The following ZDHHC21 variants were observed in gnomAD, a reference collection of about 807,000 sequenced individuals.
The protein encoded by ZDHHC21 is zDHHC palmitoyltransferase 21.
A neutral mutation model predicts 34.6 loss-of-function variants in ZDHHC21; 15 were observed. The ratio of observed to expected loss-of-function variants is 0.43; its 90% CI spans 0.29 to 0.67. The LOEUF (loss-of-function observed/expected upper bound fraction) is 0.67, where lower values mean the gene tolerates loss of function less well. ZDHHC21 is among the 30% of genes least tolerant of loss of function. The probability of loss-of-function intolerance (pLI) is 0.14; values close to 1 mark genes in which losing one functional copy is unlikely to be tolerated. For missense variants in ZDHHC21, 344 were observed against 327.7 expected (o/e 1.05, Z -0.38); for synonymous variants, 142 against 101.8 (o/e 1.40, Z -2.38).
In ZDHHC21 at chr9:14,618,169, T is replaced by C. The variant is rs1198595371; in HGVS notation, c.*797A>G. On this transcript the variant is annotated 3_prime_UTR_variant, in exon 10 of 10. Coordinates refer to ENST00000380916, the MANE Select transcript of ZDHHC21 (RefSeq NM_178566.6). ...TCTCTCCCCTTTTTGCTCATTAAAA[T>C]CTTAGGATAAAATAGGAATACATGC... is the stretch of plus-strand genomic sequence containing the variant. The C allele has an allele frequency of 6.6e-6, 1 of 152,514 alleles. No homozygotes were observed. The highest frequency in any genetic ancestry group is 1.5e-5 in the Non-Finnish European group (1 of 67,992). 9.4% of individuals were successfully genotyped at this position (152,514 alleles called of 1,614,324 possible). A position where few individuals can be genotyped will look rare whatever the true frequency, so the allele number is the denominator to read the frequency against.
intron 1 of ZDHHC21, among the ~76,000 whole-genome samples, chr9:14,691,265 C>T (rs369627490): frequency 6.6e-6 from 1 of 152,138 alleles, no homozygotes; most frequent in Non-Finnish European, 1.5e-5. Context: ...CTTCTCACTC[C>T]TCTCCTCTCA....
At chr9:14,647,890 A>C (rs1830541212) in intron 7 of ZDHHC21, among the ~76,000 whole-genome samples, 1 of 152,136 alleles carries the variant, frequency 6.6e-6, no homozygotes, top group Non-Finnish European at 1.5e-5. Context: ...CTTTATGCTG[A>C]AAGCTCCCAA....
Position 14,614,208 on chromosome 9 carries a change from T to A in ZDHHC21, c.*4758A>T, listed in dbSNP as rs2133378976. ...TAGTAAGTTTGTGGATACTCACTAC[T>A]CATTTGTACCTATTCTCTAGGGTGG... On this transcript the variant is annotated 3_prime_UTR_variant, in exon 10 of 10. Coordinates refer to ENST00000380916, the MANE Select transcript of ZDHHC21 (RefSeq NM_178566.6). 2 of 151,902 alleles carry A rather than the reference T, an allele frequency of 1.3e-5. No individual in the cohort carries two copies. The highest frequency in any genetic ancestry group is 4.1e-4 in the South Asian group (2 of 4,820). 9.4% of individuals were successfully genotyped at this position (151,902 alleles called of 1,614,324 possible). A position where few individuals can be genotyped will look rare whatever the true frequency, so the allele number is the denominator to read the frequency against.
At chr9:14,676,062 T>C (rs1034217797) in intron 3 of ZDHHC21, among the ~76,000 whole-genome samples, 5 of 151,880 alleles carry the variant, frequency 3.3e-5, no homozygotes, top group Admixed American at 2.6e-4. Context: ...TCTTCGGCAA[T>C]GGAAAGCTAT....
chr9:14,643,766 C>A (rs1290634091), intron 7 of ZDHHC21, among the ~76,000 whole-genome samples: 1 of 152,152 alleles, frequency 6.6e-6, no homozygotes, highest in Non-Finnish European at 1.5e-5. Context: ...TTCAACTGTT[C>A]CGGAATGACT....
intron 5 of ZDHHC21, 145 bp from the exon 6 acceptor site, chr9:14,662,471 T>A: frequency 1.7e-6 from 1 of 580,164 alleles, no homozygotes; most frequent in Non-Finnish European, 3.0e-6. Context: ...ATAAATGTGT[T>A]TGCCATAAAT....
chr9:14,656,460 A>T (rs1832229987), intron 7 of ZDHHC21, among the ~76,000 whole-genome samples: 1 of 151,964 alleles, frequency 6.6e-6, no homozygotes, highest in Non-Finnish European at 1.5e-5. Flanking sequence ...TAACATATAA[A>T]CAAAACTAAA....
intron 8 of ZDHHC21, among the ~76,000 whole-genome samples, chr9:14,629,120 CTTTCT>C (rs1826852980): frequency 6.6e-6 from 1 of 152,254 alleles, no homozygotes; most frequent in African/African-American, 2.4e-5. Flanking sequence ...CTTGCTTTCT[CTTTCT>C]TAACAATTCT....
intron 8 of ZDHHC21, among the ~76,000 whole-genome samples, chr9:14,628,534 G>A (rs565159840): frequency 7.2e-5 from 11 of 152,172 alleles, no homozygotes; most frequent in East Asian, 1.9e-4. Flanking sequence ...AATGATATCC[G>A]TATCAGTAGT....
chr9:14,601,219 C>T, the ZDHHC21 span, among the ~76,000 whole-genome samples: 13 of 152,152 alleles, frequency 8.5e-5, no homozygotes, highest in African/African-American at 3.1e-4. Flanking sequence ...AGGCAACCTA[C>T]AGAATGGGAG....
Position 14,611,378 on chromosome 9 carries a change from C to T in ZDHHC21, c.*7588G>A, listed in dbSNP as rs1205018285. On this transcript the variant is annotated 3_prime_UTR_variant, in exon 10 of 10. Coordinates refer to ENST00000380916, the MANE Select transcript of ZDHHC21 (RefSeq NM_178566.6). ...ACTCACTCTTCTCAAACTATTCTTACATCTCTCAACTACTATTTTCCTAAT... is the reference window on the plus strand; with the variant it reads ...ACTCACTCTTCTCAAACTATTCTTATATCTCTCAACTACTATTTTCCTAAT... 3 of 151,932 alleles carry T rather than the reference C, an allele frequency of 2.0e-5. No individual in the cohort carries two copies. Among genetic ancestry groups the T allele is most frequent in the African/African-American group, 7.2e-5 (3 of 41,402 alleles). 9.4% of individuals were successfully genotyped at this position (151,932 alleles called of 1,614,324 possible).
rs1436939045 is a variant in ZDHHC21 at position 14,643,351 on chromosome 9, T to C, written c.505-3339A>G. ...GAGCCTCCTGTGTATTCCTTCCCCA[T>C]TGCTGGCTCTCCCTCACCCCTACCC... On this transcript the variant is annotated intron_variant, in intron 7 of 9. Transcript: ENST00000380916. Among the ~76,000 whole-genome samples, 7 of 152,282 alleles carry C rather than the reference T, an allele frequency of 4.6e-5. No homozygotes were observed. The East Asian group carries it at 1.3e-3, about 29-fold the overall frequency.
At chr9:14,619,776 A>G in intron 8 of ZDHHC21, 94 bp from the exon 9 acceptor site, 1 of 726,820 alleles carries the variant, frequency 1.4e-6, no homozygotes, top group Non-Finnish European at 2.0e-6. Context: ...TATTCCAAAA[A>G]TATTCTATAG....
intron 8 of ZDHHC21, among the ~76,000 whole-genome samples, chr9:14,636,185 G>A (rs189225646): frequency 6.6e-6 from 1 of 152,160 alleles, no homozygotes; most frequent in Admixed American, 6.5e-5. Context: ...CATCTCACCT[G>A]TAAAGACACA....
chr9:14,690,603 C>T (rs75194171), intron 1 of ZDHHC21, among the ~76,000 whole-genome samples: 1,970 of 152,180 alleles, frequency 0.013, 50 homozygotes, highest in African/African-American at 0.045. Flanking sequence ...GAGGAAAAAG[C>T]AGCTTGAAAG....
At chr9:14,635,104 AG>A (rs1375929968) in intron 8 of ZDHHC21, among the ~76,000 whole-genome samples, 1 of 152,198 alleles carries the variant, frequency 6.6e-6, no homozygotes, top group African/African-American at 2.4e-5. Context: ...ACTTGAAGAC[AG>A]GTATTTTTAA....
chr9:14,609,838 A>C (rs1412298815), downstream of ZDHHC21, among the ~76,000 whole-genome samples: 2 of 152,044 alleles, frequency 1.3e-5, no homozygotes, highest in Non-Finnish European at 2.9e-5. Flanking sequence ...CCAGAGGAAA[A>C]TATCCAGTTA....
rs574396781 is a variant in ZDHHC21, at chr9:14,612,451, G to T, written c.*6515C>A. On this transcript the variant is annotated 3_prime_UTR_variant, in exon 10 of 10. Coordinates refer to ENST00000380916, the MANE Select transcript of ZDHHC21 (RefSeq NM_178566.6). ...TGGAACCCAAATAATATACATAGCAGCATTACATTTGGACAATTACATTTC... is the reference window on the plus strand; with the variant it reads ...TGGAACCCAAATAATATACATAGCATCATTACATTTGGACAATTACATTTC... 80 of 151,988 alleles carry T rather than the reference G, an allele frequency of 5.3e-4. No individual in the cohort carries two copies. The highest frequency in any genetic ancestry group is 1.9e-3 in the African/African-American group (78 of 41,492). 9.4% of individuals were successfully genotyped at this position (151,988 alleles called of 1,614,324 possible). A position where few individuals can be genotyped will look rare whatever the true frequency, so the allele number is the denominator to read the frequency against.
intron 8 of ZDHHC21, among the ~76,000 whole-genome samples, chr9:14,621,891 TAAAA>T (rs967451449): frequency 6.6e-6 from 1 of 152,036 alleles, no homozygotes; most frequent in Non-Finnish European, 1.5e-5. Context: ...AAAAAACCAC[TAAAA>T]AATATTTTGG....
Sources: allele counts gnomAD v4.1 joint callset (sites outside exome capture counted in the v4.1 genomes callset), GRCh38; gene constraint gnomAD v4.1.1; transcripts MANE v1.5; gene names NCBI Gene and HGNC (gene_info 2026-07-23, HGNC 2026-07-21).